Variants in ZSCAN1 observed in about 807,000 individuals in gnomAD.
ZSCAN1 encodes zinc finger and SCAN domain-containing protein 1.
ZSCAN1 carries 23 observed loss-of-function variants against 23.8 expected under a neutral mutation model. That is an observed-to-expected ratio of 0.97 (90% confidence interval 0.70 to 1.37). The LOEUF is 1.37. Among genes scored for constraint, ZSCAN1 ranks in the 40% most tolerant of loss-of-function variants. The pLI, the probability that ZSCAN1 is intolerant of heterozygous loss-of-function variation, is 0.00. For missense variants in ZSCAN1, 575 were observed against 554.0 expected (o/e 1.04, Z -0.38); for synonymous variants, 236 against 232.3 (o/e 1.02, Z -0.15).
Position 58,053,871 on chromosome 19 carries a change from G to C in ZSCAN1, c.1047G>C (p.Lys349Asn). 1.2e-6 allele frequency: 2 copies of C among 1,613,818 alleles called. No individual in the cohort carries two copies. The highest frequency in any genetic ancestry group is 1.7e-6 in the Non-Finnish European group (2 of 1,179,770). ...GKIHLLEPPR[K>N]KAPRSKGPRE... Reference sequence around the variant, plus strand: ...TCCACCTGCTGGAGCCACCGAGGAAGAAAGCCCCCCGGAGCAAGGGCCCCC... The same window carrying C: ...TCCACCTGCTGGAGCCACCGAGGAACAAAGCCCCCCGGAGCAAGGGCCCCC... Residue 349 changes from lysine to asparagine, a missense_variant, in exon 6 of 6, where the codon AAG becomes AAC. Lys to Asn is a moderately conservative substitution (Grantham distance 94). Transcript: ENST00000282326. This position sits in a 1 kb window ranked among gnomAD's most constrained non-coding sequence, Gnocchi z 5.8.
At chr19:58,051,749 C>T (rs763321319) in intron 4 of ZSCAN1, among the ~76,000 whole-genome samples, 19 of 152,222 alleles carry the variant, frequency 1.2e-4, no homozygotes, top group Non-Finnish European at 2.8e-4. Flanking sequence ...TTGCAGTTTG[C>T]CGAGCCCTTG....
chr19:58,045,512 ATTAT>A lies in ZSCAN1; in HGVS notation c.465+4971_465+4974del, dbSNP rs572578171. ...ATGAGGAAATCATGGGTTTTTCCAA[ATTAT>A]TTGAGGATGAGCTGACCCTTGACAA... is the stretch of plus-strand genomic sequence containing the variant. On this transcript the variant is annotated intron_variant, in intron 4 of 5. Transcript: ENST00000282326. The surrounding 1 kb of genome is among the most constrained non-coding windows in gnomAD (Gnocchi z 4.3). 1.2e-4 allele frequency: 162 copies of A among 1,403,732 alleles called. 4 individuals are homozygous for A. The South Asian group carries it at 1.8e-3, about 16-fold the overall frequency. 87.0% of individuals were successfully genotyped at this position (1,403,732 alleles called of 1,614,324 possible).
chr19:58,046,462 A>T, intron 4 of ZSCAN1: 1 of 842,626 alleles, frequency 1.2e-6, no homozygotes, highest in Non-Finnish European at 2.1e-6. Flanking sequence ...GTGGGCCAGC[A>T]AGCTGGCCCC....
chr19:58,037,419 A>G (rs2073745481), intron 2 of ZSCAN1, among the ~76,000 whole-genome samples: 1 of 140,226 alleles, frequency 7.1e-6, no homozygotes, highest in African/African-American at 2.6e-5. Flanking sequence ...TCAGAAAGTC[A>G]TGGAGGTTAT....
At chr19:58,052,446 T>A (rs1465712720) in intron 4 of ZSCAN1, 44 bp from the exon 5 acceptor site, 1 of 1,612,842 alleles carries the variant, frequency 6.2e-7, no homozygotes, top group African/African-American at 1.3e-5. Context: ...GGAGGATGGC[T>A]CCTGAGGGGC....
At position 58,045,934 on chromosome 19, in the gene ZSCAN1, G is replaced by T. The variant is rs560914968; in HGVS notation, c.465+5390G>T. 5.9e-4 allele frequency: 534 copies of T among 905,940 alleles called. 13 individuals are homozygous for T. In the South Asian group the frequency reaches 7.1e-3, roughly 12 times the overall value. The allele number at this position is 905,940 out of a possible 1,614,324, so 56.1% of individuals were successfully genotyped here. ...ACAGGTGAAAGTGGCCGAGGTGGAGGGCAAGCAGGTGGACAAGGCCAAGCT... is the reference window on the plus strand; with the variant it reads ...ACAGGTGAAAGTGGCCGAGGTGGAGTGCAAGCAGGTGGACAAGGCCAAGCT... On this transcript the variant is annotated intron_variant, in intron 4 of 5. Transcript: ENST00000282326. The surrounding 1 kb of genome is among the most constrained non-coding windows in gnomAD (Gnocchi z 4.3).
At chr19:58,044,492 C>T in intron 4 of ZSCAN1, 1 of 404,650 alleles carries the variant, frequency 2.5e-6, no homozygotes, top group Non-Finnish European at 4.4e-6. Flanking sequence ...ACGGACGGCG[C>T]CTGAGGAGCC....
chr19:58,045,965 C>T lies in ZSCAN1; in HGVS notation c.465+5421C>T. The T allele has an allele frequency of 2.6e-6, 2 of 777,890 alleles. No homozygotes were observed. Among genetic ancestry groups the T allele is most frequent in the Non-Finnish European group, 4.6e-6 (2 of 438,966 alleles). 48.2% of individuals were successfully genotyped at this position (777,890 alleles called of 1,614,324 possible). On this transcript the variant is annotated intron_variant, in intron 4 of 5. Coordinates refer to ENST00000282326, the MANE Select transcript of ZSCAN1 (RefSeq NM_182572.4). This position sits in a 1 kb window ranked among gnomAD's most constrained non-coding sequence, Gnocchi z 4.3. ...CAGGTGGACAAGGCCAAGCTAGAGG[C>T]CACACTGCAGGAGAAGGCGACCATG...
Position 58,040,679 on chromosome 19 carries a change from A to C in ZSCAN1, c.465+135A>C. Reference sequence around the variant, plus strand: ...CGCTCCCAGGAAGCCCGGCCTCCAAACTCCCCGCCTGCCCCACAGATTCCC... The same window carrying C: ...CGCTCCCAGGAAGCCCGGCCTCCAACCTCCCCGCCTGCCCCACAGATTCCC... On this transcript the variant is annotated intron_variant, in intron 4 of 5. Coordinates refer to ENST00000282326, the MANE Select transcript of ZSCAN1 (RefSeq NM_182572.4). This position sits in a 1 kb window ranked among gnomAD's most constrained non-coding sequence, Gnocchi z 5.8. 1.3e-6 allele frequency: 1 copy of C among 780,826 alleles called. No individual in the cohort carries two copies. The allele number at this position is 780,826 out of a possible 1,614,324, so 48.4% of individuals were successfully genotyped here.
chr19:58,036,564 G>A (rs1238404479), intron 2 of ZSCAN1, among the ~76,000 whole-genome samples: 2 of 145,170 alleles, frequency 1.4e-5, no homozygotes, highest in Non-Finnish European at 3.0e-5. Flanking sequence ...CGCTCAGGCT[G>A]GAGTGCAGTG....
In ZSCAN1 at chr19:58,045,772, G is replaced by T; in HGVS notation, c.465+5228G>T. On this transcript the variant is annotated intron_variant, in intron 4 of 5. Coordinates refer to ENST00000282326, the MANE Select transcript of ZSCAN1 (RefSeq NM_182572.4). This position sits in a 1 kb window ranked among gnomAD's most constrained non-coding sequence, Gnocchi z 4.3. ...GAGGGGCCAGCTGAAGCAGTGGCTGGACCTGCACCTGCATCAGGAGATCCC... is the reference window on the plus strand; with the variant it reads ...GAGGGGCCAGCTGAAGCAGTGGCTGTACCTGCACCTGCATCAGGAGATCCC... The T allele has an allele frequency of 1.3e-6, 2 of 1,551,798 alleles. No homozygotes were observed. Among genetic ancestry groups the T allele is most frequent in the South Asian group, 1.1e-5 (1 of 89,524 alleles).
At chr19:58,043,056 C>T (rs1226746464) in intron 4 of ZSCAN1, among the ~76,000 whole-genome samples, 1 of 152,394 alleles carries the variant, frequency 6.6e-6, no homozygotes, top group East Asian at 1.9e-4. Context: ...ATTGCCGCTG[C>T]CAGGGTGCTA....
chr19:58,052,550 T>C lies in ZSCAN1; in HGVS notation c.526T>C (p.Trp176Arg), dbSNP rs761048274. Residue 176 changes from tryptophan (W) to arginine (R), a missense_variant, in exon 5 of 6, where the codon TGG becomes CGG. Coordinates refer to ENST00000282326, the MANE Select transcript of ZSCAN1 (RefSeq NM_182572.4). ...AAPALPEESE[W>R]LETTQLQQSL... ...CCCAGCACTCCCCGAGGAAAGTGAGTGGCTGGAGACTACCCAGCTCCAGCA... is the reference window on the plus strand; with the variant it reads ...CCCAGCACTCCCCGAGGAAAGTGAGCGGCTGGAGACTACCCAGCTCCAGCA... 4 of 1,613,932 alleles carry C rather than the reference T, an allele frequency of 2.5e-6. No homozygotes were observed. In the South Asian group the frequency reaches 3.3e-5, roughly 13 times the overall value.
rs2073781006 is a variant in ZSCAN1, at chr19:58,040,549, GC to G, written c.465+8del. On this transcript the variant is annotated splice_donor_region_variant and intron_variant, in intron 4 of 5. Coordinates refer to ENST00000282326, the MANE Select transcript of ZSCAN1 (RefSeq NM_182572.4). This position sits in a 1 kb window ranked among gnomAD's most constrained non-coding sequence, Gnocchi z 5.8. Reference sequence around the variant, plus strand: ...TCCCAGAAAGAACCATCGCAGGTGAGCCCGGGGCCCCCAGCTCCGTGCTCCT... The same window carrying G: ...TCCCAGAAAGAACCATCGCAGGTGAGCCGGGGCCCCCAGCTCCGTGCTCCT... The G allele has an allele frequency of 1.9e-6, 3 of 1,613,154 alleles. No homozygotes were observed. Among genetic ancestry groups the G allele is most frequent in the Non-Finnish European group, 1.7e-6 (2 of 1,179,936 alleles).
chr19:58,040,494 G>A lies in ZSCAN1; in HGVS notation c.415G>A (p.Gly139Ser), dbSNP rs139461841. The change falls in exon 4 of 6, where the codon GGT becomes AGT. Residue 139 changes from glycine to serine, a missense_variant. Gly to Ser is a moderately conservative substitution (Grantham distance 56). Transcript: ENST00000282326. The surrounding 1 kb of genome is among the most constrained non-coding windows in gnomAD (Gnocchi z 5.8). ...DSVEPQDWSF[G>S]EEEDGKSPRS... ...GGTCGAACCCCAGGACTGGAGTTTC[G>A]GTGAGGAGGAAGATGGGAAGAGTCC... 2.4e-5 allele frequency: 39 copies of A among 1,613,496 alleles called. No homozygotes were observed. The highest frequency in any genetic ancestry group is 5.3e-5 in the African/African-American group (4 of 74,908).
intron 4 of ZSCAN1, chr19:58,046,742 G>A (rs2073828989): frequency 2.6e-6 from 2 of 781,692 alleles, no homozygotes; most frequent in Non-Finnish European, 4.7e-6. Flanking sequence ...AGAAGGTGGA[G>A]AAGGAGGTTG....
rs940829367 is a variant in ZSCAN1 at position 58,034,134 on chromosome 19, G to A, written c.-179G>A. 2.0e-5 allele frequency: 3 copies of A among 151,128 alleles called. No individual in the cohort carries two copies. Among genetic ancestry groups the A allele is most frequent in the Non-Finnish European group, 4.4e-5 (3 of 67,676 alleles). The allele number at this position is 151,128 out of a possible 1,614,324, so 9.4% of individuals were successfully genotyped here. On this transcript the variant is annotated 5_prime_UTR_variant, in exon 1 of 6. An upstream open reading frame in the 5' UTR gains an earlier in-frame stop. Transcript: ENST00000282326. ...GCCCAGGGGTCGCCATGACCGAGTG[G>A]CCCAGGCCCGAGCGAAGCCCGCGCG... is the stretch of plus-strand genomic sequence containing the variant.
chr19:58,053,999 T>G lies in ZSCAN1; in HGVS notation c.1175T>G (p.Met392Arg). The G allele has an allele frequency of 6.4e-7, 1 of 1,574,464 alleles. No homozygotes were observed. The highest frequency in any genetic ancestry group is 1.8e-5 in the Admixed American group (1 of 54,888). Reference protein sequence around the residue: ...CSVCGKAFPWMVHLIDHQKLH... With the variant: ...CSVCGKAFPWRVHLIDHQKLH... The stretch of plus-strand genomic sequence containing the variant: ...GTCTGCGGGAAGGCCTTCCCCTGGA[T>G]GGTCCACCTCATTGACCACCAGAAG... Residue 392 changes from methionine (M) to arginine (R), a missense_variant, in exon 6 of 6, where the codon ATG becomes AGG. By Grantham distance (91) the Met-to-Arg change is moderately conservative. Coordinates refer to ENST00000282326, the MANE Select transcript of ZSCAN1 (RefSeq NM_182572.4). The surrounding 1 kb of genome is among the most constrained non-coding windows in gnomAD (Gnocchi z 5.8).
Position 58,045,296 on chromosome 19 carries a change from A to G in ZSCAN1, c.465+4752A>G. The G allele has an allele frequency of 1.3e-6, 1 of 791,420 alleles. No individual in the cohort carries two copies. Among genetic ancestry groups the G allele is most frequent in the Non-Finnish European group, 2.3e-6 (1 of 428,784 alleles). 49.0% of individuals were successfully genotyped at this position (791,420 alleles called of 1,614,324 possible). On this transcript the variant is annotated intron_variant, in intron 4 of 5. Coordinates refer to ENST00000282326, the MANE Select transcript of ZSCAN1 (RefSeq NM_182572.4). This position sits in a 1 kb window ranked among gnomAD's most constrained non-coding sequence, Gnocchi z 4.3. The stretch of plus-strand genomic sequence containing the variant: ...TGAAACTCTTCCCCAACATGTTGCC[A>G]TCCACATCCGAGACTCAGTCCATCA...
Sources: allele counts gnomAD v4.1 joint callset (sites outside exome capture counted in the v4.1 genomes callset), GRCh38; gene constraint gnomAD v4.1.1; non-coding constraint Gnocchi (gnomAD v3.1); transcripts MANE v1.5; gene names NCBI Gene and HGNC (gene_info 2026-07-23, HGNC 2026-07-21).